Variants in SPACA7 observed in about 807,000 individuals in gnomAD.
The protein encoded by SPACA7 is sperm acrosome-associated protein 7.
A neutral mutation model predicts 26.3 loss-of-function variants in SPACA7; 19 were observed. The ratio of observed to expected loss-of-function variants is 0.72; its 90% CI spans 0.50 to 1.06. The LOEUF (loss-of-function observed/expected upper bound fraction) is 1.06. SPACA7 is among the 50% of genes least tolerant of loss of function. The pLI is 0.00. For synonymous variants in SPACA7, 84 were observed against 84.5 expected (o/e 0.99, Z 0.04); for missense variants, 211 against 229.9 (o/e 0.92, Z 0.53).
intron 2 of SPACA7, among the ~76,000 whole-genome samples, chr13:112,393,819 C>CT (rs960361664): frequency 2.0e-5 from 3 of 152,128 alleles, no homozygotes; most frequent in Non-Finnish European, 4.4e-5. Flanking sequence ...AACCCCGCCT[C>CT]TACTAAAAAT....
At chr13:112,381,767 G>A (rs1884084315) in intron 1 of SPACA7, among the ~76,000 whole-genome samples, 1 of 152,156 alleles carries the variant, frequency 6.6e-6, no homozygotes, top group South Asian at 2.1e-4. Context: ...AAATCACAGG[G>A]AGTCAAAGCT....
chr13:112,426,811 C>T (rs758013443), intron 5 of SPACA7, among the ~76,000 whole-genome samples: 10 of 152,174 alleles, frequency 6.6e-5, no homozygotes, highest in Non-Finnish European at 1.2e-4. Context: ...GGATTTTCTA[C>T]GTAGAGGATC....
At chr13:112,422,628 T>C (rs1404038615) in intron 5 of SPACA7, among the ~76,000 whole-genome samples, 2 of 152,158 alleles carry the variant, frequency 1.3e-5, no homozygotes, top group Non-Finnish European at 2.9e-5. Flanking sequence ...CAGAAATCAA[T>C]AATAGAAAAT....
intron 2 of SPACA7, among the ~76,000 whole-genome samples, chr13:112,393,619 T>C (rs1445611566): frequency 5.9e-5 from 9 of 152,278 alleles, no homozygotes; most frequent in African/African-American, 2.2e-4. Context: ...TCTCTAGGGC[T>C]CTGCAGGTGA....
intron 1 of SPACA7, among the ~76,000 whole-genome samples, chr13:112,376,879 T>C (rs1220771617): frequency 6.6e-6 from 1 of 152,310 alleles, no homozygotes; most frequent in East Asian, 1.9e-4. Flanking sequence ...TACCACCTCA[T>C]GTAAAACATT....
chr13:112,423,170 G>A (rs1479327657), intron 5 of SPACA7, among the ~76,000 whole-genome samples: 1 of 152,166 alleles, frequency 6.6e-6, no homozygotes, highest in Admixed American at 6.5e-5. Context: ...TCATGGTAAA[G>A]GTATCTTGGG....
intron 5 of SPACA7, among the ~76,000 whole-genome samples, chr13:112,424,583 T>C (rs1161515679): frequency 1.3e-5 from 2 of 151,992 alleles, no homozygotes; most frequent in Non-Finnish European, 2.9e-5. Context: ...TGGCACAGGG[T>C]TAAAGAAATG....
intron 5 of SPACA7, among the ~76,000 whole-genome samples, chr13:112,418,883 T>C (rs1291672076): frequency 6.6e-6 from 1 of 151,964 alleles, no homozygotes; most frequent in Non-Finnish European, 1.5e-5. Context: ...TCTAGCCAGG[T>C]GCAGTGGTGG....
At chr13:112,380,619 T>C (rs1014644761) in intron 1 of SPACA7, among the ~76,000 whole-genome samples, 4 of 152,268 alleles carry the variant, frequency 2.6e-5, no homozygotes, top group Admixed American at 6.5e-5. Context: ...GTTACATCTT[T>C]CCATACTAAT....
intron 6 of SPACA7, among the ~76,000 whole-genome samples, chr13:112,433,700 C>G (rs899950131): frequency 1.3e-5 from 2 of 151,784 alleles, no homozygotes; most frequent in Non-Finnish European, 2.9e-5. Context: ...CCCCAGCCCC[C>G]CAAGTTCAGA....
intron 5 of SPACA7, among the ~76,000 whole-genome samples, chr13:112,430,269 G>C (rs1183366658): frequency 6.6e-6 from 1 of 151,098 alleles, no homozygotes; most frequent in Admixed American, 6.6e-5. Context: ...AGTATATTGA[G>C]ATCACTGGGC....
At chr13:112,427,827 G>A (rs1340839870) in intron 5 of SPACA7, among the ~76,000 whole-genome samples, 1 of 152,094 alleles carries the variant, frequency 6.6e-6, no homozygotes, top group African/African-American at 2.4e-5. Flanking sequence ...CAAAGTTATT[G>A]GCAAAAGTTT....
intron 5 of SPACA7, among the ~76,000 whole-genome samples, chr13:112,430,172 C>CTGTGTGTGTGTGTGTGTGTGTG (rs1254393630): frequency 7.3e-5 from 9 of 122,874 alleles, no homozygotes; most frequent in South Asian, 3.0e-4. Context: ...GCATCTCTCT[C>CTGTGTGTGTGTGTGTGTGTGTG]TCTGTGTGTG....
intron 4 of SPACA7, among the ~76,000 whole-genome samples, chr13:112,400,179 G>A (rs1594277502): frequency 6.6e-6 from 1 of 152,198 alleles, no homozygotes; most frequent in South Asian, 2.1e-4. Context: ...TGTGCCAGGA[G>A]CCAAGCATTT....
chr13:112,405,068 C>T (rs544430889), intron 5 of SPACA7, among the ~76,000 whole-genome samples: 35 of 150,160 alleles, frequency 2.3e-4, no homozygotes, highest in South Asian at 1.3e-3. Flanking sequence ...CTGCAAGCTC[C>T]GCCTCCCGGG....
In SPACA7 at chr13:112,380,684, G is replaced by T. The variant is rs551759788; in HGVS notation, c.94+4205G>T. ...CTGAAAAAACAAATTTTAAACCACT[G>T]TAGGACAAAATTACTCACTTTTTTC... is the stretch of plus-strand genomic sequence containing the variant. On this transcript the variant is annotated intron_variant, in intron 1 of 6. Transcript: ENST00000283550. Among the ~76,000 whole-genome samples, 39 of 152,078 alleles carry T rather than the reference G, an allele frequency of 2.6e-4. No individual in the cohort carries two copies. In the South Asian group the frequency reaches 8.1e-3, roughly 32 times the overall value.
intron 5 of SPACA7, among the ~76,000 whole-genome samples, chr13:112,417,046 C>T (rs1388185867): frequency 6.6e-6 from 1 of 151,852 alleles, no homozygotes; most frequent in Admixed American, 6.6e-5. Context: ...GAGAACGCTG[C>T]TTCATTGTTG....
intron 5 of SPACA7, among the ~76,000 whole-genome samples, chr13:112,424,748 C>G (rs931985102): frequency 2.0e-5 from 3 of 152,128 alleles, no homozygotes; most frequent in Non-Finnish European, 4.4e-5. Flanking sequence ...TAGCTCAGCT[C>G]CTAAGATGAC....
In SPACA7 at chr13:112,401,098, G is replaced by A. The variant is rs1001806256; in HGVS notation, c.379G>A (p.Asp127Asn). The part of the protein sequence containing the change: ...EANANANLHG[D>N]PSENYRGPQV... ...CAATGCTAATGCAAATCTCCATGGC[G>A]ATCCTTCTGAGAATTATCGTGGGCC... Residue 127 changes from aspartate to asparagine, a missense_variant, in exon 5 of 7, where the codon GAT becomes AAT. By Grantham distance (23) the Asp-to-Asn change is conservative. Transcript: ENST00000283550. 1.2e-5 allele frequency: 20 copies of A among 1,613,986 alleles called. No individual in the cohort carries two copies. Among genetic ancestry groups the A allele is most frequent in the Non-Finnish European group, 1.5e-5 (18 of 1,180,020 alleles).
Sources: allele counts gnomAD v4.1 joint callset (sites outside exome capture counted in the v4.1 genomes callset), GRCh38; gene constraint gnomAD v4.1.1; transcripts MANE v1.5; gene names NCBI Gene and HGNC (gene_info 2026-07-23, HGNC 2026-07-21).